ZSCAN2: variants seen among roughly 807,000 people sequenced by gnomAD.
ZSCAN2 encodes the protein zinc finger and SCAN domain containing 2.
A neutral mutation model predicts 47.8 loss-of-function variants in ZSCAN2; 26 were observed. The observed-to-expected ratio is 0.54, with a 90% confidence interval of 0.40 to 0.75. The LOEUF is 0.75. Ranked by LOEUF, ZSCAN2 falls within the 30% of genes least tolerant of loss-of-function variation. The probability of loss-of-function intolerance (pLI) is 0.00; values close to 1 mark genes in which losing one functional copy is unlikely to be tolerated. For synonymous variants in ZSCAN2, 305 were observed against 288.7 expected (o/e 1.06, Z -0.57); for missense variants, 732 against 785.4 (o/e 0.93, Z 0.81).
intron 2 of ZSCAN2, chr15:84,616,350 T>C (rs780580283): frequency 1.2e-6 from 2 of 1,603,356 alleles, no homozygotes; most frequent in Admixed American, 1.7e-5. Context: ...GTGATTCCAG[T>C]TGCAGCCTCA....
intron 1 of ZSCAN2, 130 bp downstream of exon 1, chr15:84,601,265 C>T (rs1895193055): frequency 1.3e-5 from 2 of 152,270 alleles, no homozygotes; most frequent in Admixed American, 1.3e-4. Flanking sequence ...GCTCCGTATC[C>T]TGCGGGCCCT....
chr15:84,612,966 G>A (rs1340466558), intron 2 of ZSCAN2, among the ~76,000 whole-genome samples: 1 of 152,104 alleles, frequency 6.6e-6, no homozygotes, highest in Non-Finnish European at 1.5e-5. Context: ...TGCTATTTGG[G>A]TTTTTTGTTT....
chr15:84,613,892 G>A (rs952908978), intron 2 of ZSCAN2, among the ~76,000 whole-genome samples: 1 of 151,654 alleles, frequency 6.6e-6, no homozygotes, highest in African/African-American at 2.4e-5. Context: ...ATGTTGGCCA[G>A]GCTGGTCTTG....
intron 2 of ZSCAN2, among the ~76,000 whole-genome samples, chr15:84,610,407 T>C (rs1895509238): frequency 6.6e-6 from 1 of 151,888 alleles, no homozygotes; most frequent in Non-Finnish European, 1.5e-5. Flanking sequence ...ACAATTCAAG[T>C]ATGAAGTGTG....
At chr15:84,613,027 C>G (rs1416835454) in intron 2 of ZSCAN2, among the ~76,000 whole-genome samples, 1 of 152,170 alleles carries the variant, frequency 6.6e-6, no homozygotes, top group South Asian at 2.1e-4. Context: ...CTGGGTCCAG[C>G]TTGAATTTTT....
chr15:84,603,896 T>A lies in ZSCAN2; in HGVS notation c.-32T>A. ...GCTGGAGAAGACTGAGGTCCAAGGC[T>A]TGAAGCCTAAGTGATTGCCCCAGGA... is the stretch of plus-strand genomic sequence containing the variant. On this transcript the variant is annotated 5_prime_UTR_variant, in exon 2 of 3. The change creates a new upstream start codon in the 5' untranslated region. Coordinates refer to ENST00000546148, the MANE Select transcript of ZSCAN2 (RefSeq NM_181877.4). 6.3e-7 allele frequency: 1 copy of A among 1,590,022 alleles called. No individual in the cohort carries two copies. Among genetic ancestry groups the A allele is most frequent in the South Asian group, 1.1e-5 (1 of 88,632 alleles).
chr15:84,613,981 CTTTTT>C lies in ZSCAN2; in HGVS notation c.407-6600_407-6596del, dbSNP rs35815000. On this transcript the variant is annotated intron_variant, in intron 2 of 2. Coordinates refer to ENST00000546148, the MANE Select transcript of ZSCAN2 (RefSeq NM_181877.4). ...AGGTGTGAGCCACTGCTCTTGGCCT[CTTTTT>C]TTTTTTTTTTTTTTTTTTTTCAGAG... 1.1e-3 allele frequency among the ~76,000 whole-genome samples: 60 copies of C among 52,340 alleles called. No homozygotes were observed. In the South Asian group the frequency reaches 0.032, roughly 28 times the overall value. The allele number at this position is 52,340 out of a possible 152,430, so 34.3% of individuals were successfully genotyped here.
chr15:84,621,820 G>A lies in ZSCAN2; in HGVS notation c.1625G>A (p.Gly542Asp), dbSNP rs752168896. 9.3e-6 allele frequency: 15 copies of A among 1,614,240 alleles called. No homozygotes were observed. Among genetic ancestry groups the A allele is most frequent in the Non-Finnish European group, 1.3e-5 (15 of 1,180,046 alleles). ...ATGTGCGGCAAGAGCTTCAGCCGGG[G>A]CTCCATTCTGGTCATGCACCAGAGA... ...CLMCGKSFSRGSILVMHQRAH... is the reference protein window; with the variant it reads ...CLMCGKSFSRDSILVMHQRAH... The change falls in exon 3 of 3, where the codon GGC (glycine) becomes GAC (aspartate). Residue 542 changes from glycine to aspartate, a missense_variant. Gly to Asp is a moderately conservative substitution (Grantham distance 94). This residue lies in a region of ZSCAN2 where 412 missense variants were observed against 498.0 expected (regional missense o/e 0.83). Coordinates refer to ENST00000546148, the MANE Select transcript of ZSCAN2 (RefSeq NM_181877.4). This position sits in a 1 kb window ranked among gnomAD's most constrained non-coding sequence, Gnocchi z 5.7.
At chr15:84,602,532 C>G (rs993200561) in intron 1 of ZSCAN2, among the ~76,000 whole-genome samples, 1 of 151,782 alleles carries the variant, frequency 6.6e-6, no homozygotes, top group African/African-American at 2.4e-5. Context: ...TCATTACCAC[C>G]TAAAGGTAGC....
In ZSCAN2 at chr15:84,620,677, C is replaced by T. The variant is rs761717307; in HGVS notation, c.482C>T (p.Ser161Leu). 55 of 1,614,030 alleles carry T rather than the reference C, an allele frequency of 3.4e-5. No homozygotes were observed. The East Asian group carries it at 7.6e-4, about 22-fold the overall frequency. Residue 161 changes from serine (S) to leucine (L), a missense_variant, in exon 3 of 3, where the codon TCG becomes TTG. Around this residue, in one of 2 missense-constraint regions of ZSCAN2, gnomAD observed 320 missense variants for 287.4 expected, o/e 1.11. Coordinates refer to ENST00000546148, the MANE Select transcript of ZSCAN2 (RefSeq NM_181877.4). ...MFENESRKIF[S>L]EMPEGESAQH... ...GAGAATGAATCACGTAAGATATTCT[C>T]GGAAATGCCTGAAGGTGAAAGTGCT... is the stretch of plus-strand genomic sequence containing the variant.
chr15:84,602,729 C>A (rs1895249066), intron 1 of ZSCAN2, among the ~76,000 whole-genome samples: 2 of 151,940 alleles, frequency 1.3e-5, no homozygotes. Context: ...GCTGGGATTA[C>A]AGGCGCCCGT....
intron 2 of ZSCAN2, among the ~76,000 whole-genome samples, chr15:84,617,488 C>T (rs1895721467): frequency 2.0e-5 from 3 of 152,042 alleles, no homozygotes; most frequent in Admixed American, 6.6e-5. Context: ...CTGGTTCTGC[C>T]GAGTCAGAGT....
chr15:84,621,839 C>T lies in ZSCAN2; in HGVS notation c.1644C>T (p.His548=). Residue 548 remains histidine (H), a synonymous_variant, in exon 3 of 3, where the codon CAC becomes CAT. Coordinates refer to ENST00000546148, the MANE Select transcript of ZSCAN2 (RefSeq NM_181877.4). This position sits in a 1 kb window ranked among gnomAD's most constrained non-coding sequence, Gnocchi z 5.7. ...GCCGGGGCTCCATTCTGGTCATGCACCAGAGAGCCCATTTGGGAGACAAGC... is the reference window on the plus strand; with the variant it reads ...GCCGGGGCTCCATTCTGGTCATGCATCAGAGAGCCCATTTGGGAGACAAGC... The part of the protein sequence containing the change: ...SFSRGSILVM[H]QRAHLGDKPY... The T allele has an allele frequency of 3.7e-6, 6 of 1,614,154 alleles. No homozygotes were observed. Among genetic ancestry groups the T allele is most frequent in the Non-Finnish European group, 5.1e-6 (6 of 1,180,026 alleles).
intron 1 of ZSCAN2, among the ~76,000 whole-genome samples, chr15:84,602,523 C>G (rs898038219): frequency 6.6e-6 from 1 of 151,772 alleles, no homozygotes; most frequent in Non-Finnish European, 1.5e-5. Flanking sequence ...CCTTTCCTGT[C>G]ATTACCACCT....
At position 84,601,618 on chromosome 15, in the gene ZSCAN2, CT is replaced by C. The variant is rs879305156; in HGVS notation, c.-109+493del. Reference sequence around the variant, plus strand: ...TTCCCACTAGCTTTTATTTTTTGTCCTTTTTTTTTTAAGCTTTTGTCAGCTT... The same window carrying C: ...TTCCCACTAGCTTTTATTTTTTGTCCTTTTTTTTTAAGCTTTTGTCAGCTT... On this transcript the variant is annotated intron_variant, in intron 1 of 2. Transcript: ENST00000546148. Among the ~76,000 whole-genome samples, 516 of 148,678 alleles carry C rather than the reference CT, an allele frequency of 3.5e-3. 1 individual carries two copies. Among genetic ancestry groups the C allele is most frequent in the African/African-American group, 0.012 (491 of 40,684 alleles).
In ZSCAN2 at chr15:84,603,878, A is replaced by T; in HGVS notation, c.-50A>T. On this transcript the variant is annotated 5_prime_UTR_variant, in exon 2 of 3. Transcript: ENST00000546148. ...GTCTTACCTGAGAGCCTGGCTGGAG[A>T]AGACTGAGGTCCAAGGCTTGAAGCC... 1.3e-6 allele frequency: 2 copies of T among 1,563,024 alleles called. No homozygotes were observed. Among genetic ancestry groups the T allele is most frequent in the Middle Eastern group, 1.7e-4 (1 of 5,808 alleles).
rs1895825892 is a variant in ZSCAN2 at position 84,621,890 on chromosome 15, A to G, written c.1695A>G (p.Lys565=). Reference sequence around the variant, plus strand: ...CCTACAGGTGCCCTGAGTGTGGGAAAGGCTTTAGCTGGAACTCAGTCCTCA... The same window carrying G: ...CCTACAGGTGCCCTGAGTGTGGGAAGGGCTTTAGCTGGAACTCAGTCCTCA... ...DKPYRCPECG[K]GFSWNSVLII... The change falls in exon 3 of 3, where the codon AAA becomes AAG. Residue 565 remains lysine (K), a synonymous_variant. Coordinates refer to ENST00000546148, the MANE Select transcript of ZSCAN2 (RefSeq NM_181877.4). This position sits in a 1 kb window ranked among gnomAD's most constrained non-coding sequence, Gnocchi z 5.7. 7 of 1,614,218 alleles carry G rather than the reference A, an allele frequency of 4.3e-6. No homozygotes were observed. Among genetic ancestry groups the G allele is most frequent in the Admixed American group, 1.7e-5 (1 of 60,030 alleles).
At chr15:84,610,944 A>G (rs1227750994) in intron 2 of ZSCAN2, among the ~76,000 whole-genome samples, 1 of 152,240 alleles carries the variant, frequency 6.6e-6, no homozygotes, top group Non-Finnish European at 1.5e-5. Context: ...AGTCAACCAA[A>G]TAGAATAAAA....
At chr15:84,608,447 C>T (rs1267653716) in intron 2 of ZSCAN2, among the ~76,000 whole-genome samples, 2 of 150,372 alleles carry the variant, frequency 1.3e-5, no homozygotes, top group Non-Finnish European at 2.9e-5. Flanking sequence ...GCAGGAGAAT[C>T]GCTTGAACCT....
Sources: gnomAD v4.1 joint callset for allele counts (sites outside exome capture counted in the v4.1 genomes callset) on GRCh38, gnomAD v4.1.1 for gene constraint, gnomAD v4.1.1 regional missense constraint, Gnocchi (gnomAD v3.1) non-coding constraint, MANE v1.5 for transcripts, NCBI Gene and HGNC (gene_info 2026-07-23, HGNC 2026-07-21) for gene names.